The following GRIK2 variants were observed in gnomAD, a reference collection of about 807,000 sequenced individuals.
GRIK2 encodes glutamate receptor ionotropic, kainate 2.
In GRIK2, 32 loss-of-function variants were observed where a neutral mutation model predicts 100.3. The observed-to-expected ratio is 0.32, with a 90% confidence interval of 0.24 to 0.43. The LOEUF is 0.43. Among genes scored for constraint, GRIK2 ranks in the 20% least tolerant of loss-of-function variants. GRIK2 has a pLI of 1.00. For synonymous variants in GRIK2, 417 were observed against 389.4 expected, an observed-to-expected ratio of 1.07 and a Z score of -0.83; for missense variants, 843 against 1,114.9, an observed-to-expected ratio of 0.76 and a Z score of 3.47.
chr6:101,513,752 A>G (rs1481728673), intron 2 of GRIK2, among the ~76,000 whole-genome samples: 1 of 152,146 alleles, frequency 6.6e-6, no homozygotes, highest in Non-Finnish European at 1.5e-5. Flanking sequence ...GATATGATTA[A>G]AGTAGTGCTG....
At chr6:101,447,510 A>T (rs925585193) in intron 2 of GRIK2, among the ~76,000 whole-genome samples, 1 of 151,752 alleles carries the variant, frequency 6.6e-6, no homozygotes, top group African/African-American at 2.4e-5. Flanking sequence ...GTAATCAGCC[A>T]GTTATTGGTT....
chr6:101,650,054 A>G (rs1781713965), intron 4 of GRIK2, among the ~76,000 whole-genome samples: 1 of 152,132 alleles, frequency 6.6e-6, no homozygotes. Context: ...GGGAGTCCAG[A>G]CAAATTACTG....
At chr6:101,530,475 G>A (rs541488979) in intron 2 of GRIK2, among the ~76,000 whole-genome samples, 1 of 152,052 alleles carries the variant, frequency 6.6e-6, no homozygotes, top group African/African-American at 2.4e-5. Flanking sequence ...TATAGGTTAT[G>A]TATTCACGAA....
intron 7 of GRIK2, among the ~76,000 whole-genome samples, chr6:101,751,079 C>CT (rs1776756536): frequency 6.6e-6 from 1 of 151,888 alleles, no homozygotes; most frequent in African/African-American, 2.4e-5. Flanking sequence ...TTCTAAATTT[C>CT]TTTTTTCTTA....
At chr6:101,796,166 T>G (rs756149229) in intron 7 of GRIK2, among the ~76,000 whole-genome samples, 7 of 152,200 alleles carry the variant, frequency 4.6e-5, no homozygotes, top group Non-Finnish European at 8.8e-5. Context: ...ATGGTTTGTT[T>G]TTTGAGTTAC....
At chr6:102,066,766 T>C (rs1255751094) in intron 16 of GRIK2, among the ~76,000 whole-genome samples, 3 of 151,654 alleles carry the variant, frequency 2.0e-5, no homozygotes, top group Non-Finnish European at 3.0e-5. Flanking sequence ...TTGACTTGTT[T>C]CCTAAAGGAG....
intron 4 of GRIK2, among the ~76,000 whole-genome samples, chr6:101,630,336 T>C (rs1780666593): frequency 6.6e-6 from 1 of 152,130 alleles, no homozygotes; most frequent in African/African-American, 2.4e-5. Context: ...CACCAAACTG[T>C]ACAAGCATTC....
chr6:101,798,087 T>C (rs1780436894), intron 7 of GRIK2, among the ~76,000 whole-genome samples: 1 of 151,462 alleles, frequency 6.6e-6, no homozygotes, highest in Admixed American at 6.6e-5. Flanking sequence ...TATGTAGCCT[T>C]CATTCTTAGC....
chr6:101,760,541 A>AAT (rs1209377230), intron 7 of GRIK2, among the ~76,000 whole-genome samples: 2 of 90,050 alleles, frequency 2.2e-5, no homozygotes, highest in African/African-American at 1.0e-4. Context: ...ATATTTAATT[A>AAT]TATATTTATT....
intron 3 of GRIK2, 36 bp downstream of exon 3, chr6:101,622,152 A>G: frequency 7.6e-7 from 1 of 1,311,516 alleles, no homozygotes; most frequent in African/African-American, 1.5e-5. Flanking sequence ...TGTTTCCTGG[A>G]ATTCAAATTT....
intron 15 of GRIK2, among the ~76,000 whole-genome samples, chr6:102,054,833 A>G (rs1220517839): frequency 6.6e-6 from 1 of 152,118 alleles, no homozygotes; most frequent in South Asian, 2.1e-4. Flanking sequence ...GTGACTGCCC[A>G]TTATCTGCTA....
intron 2 of GRIK2, among the ~76,000 whole-genome samples, chr6:101,473,417 G>C (rs2128257251): frequency 6.6e-6 from 1 of 151,626 alleles, no homozygotes; most frequent in African/African-American, 2.4e-5. Flanking sequence ...TAAACAATTA[G>C]AGTGTCATTC....
Position 101,492,929 on chromosome 6 carries a change from A to G in GRIK2, c.115+93537A>G, listed in dbSNP as rs181262663. 2.8e-3 allele frequency among the ~76,000 whole-genome samples: 430 copies of G among 152,136 alleles called. 3 individuals are homozygous for G. The highest frequency in any genetic ancestry group is 0.01 in the African/African-American group (419 of 41,570). ...TGGTGGTTTAGCAAAGGAACAAGAA[A>G]AAAAGACTATCAGAAATAAACCGGC... On this transcript the variant is annotated intron_variant, in intron 2 of 16. Coordinates refer to ENST00000369134, the MANE Select transcript of GRIK2 (RefSeq NM_021956.5).
At chr6:101,925,127 G>A (rs1350109506) in intron 13 of GRIK2, among the ~76,000 whole-genome samples, 4 of 151,902 alleles carry the variant, frequency 2.6e-5, no homozygotes, top group Non-Finnish European at 5.9e-5. Flanking sequence ...TTAATTCTTG[G>A]TGATTAGATG....
At chr6:101,752,777 A>G (rs1776872619) in intron 7 of GRIK2, among the ~76,000 whole-genome samples, 1 of 152,212 alleles carries the variant, frequency 6.6e-6, no homozygotes, top group Non-Finnish European at 1.5e-5. Flanking sequence ...AATATGAGCA[A>G]TAATATTGCA....
intron 2 of GRIK2, among the ~76,000 whole-genome samples, chr6:101,506,644 T>C (rs559559498): frequency 6.6e-6 from 1 of 152,154 alleles, no homozygotes; most frequent in Admixed American, 6.6e-5. Flanking sequence ...TAATGACATA[T>C]ACATCAGTCG....
At chr6:101,684,257 G>A (rs17062329) in intron 6 of GRIK2, among the ~76,000 whole-genome samples, 12,562 of 152,112 alleles carry the variant, frequency 0.083, 1,707 homozygotes, top group African/African-American at 0.29. Context: ...CAGCATAAGC[G>A]TAAGATTTTG....
intron 6 of GRIK2, among the ~76,000 whole-genome samples, chr6:101,684,793 T>C (rs138061636): frequency 6.1e-4 from 91 of 148,560 alleles, no homozygotes; most frequent in Admixed American, 2.0e-3. Context: ...CAAAGGGAGG[T>C]TATGATCTAA....
intron 10 of GRIK2, among the ~76,000 whole-genome samples, chr6:101,843,419 C>T (rs1488648251): frequency 1.3e-5 from 2 of 152,126 alleles, no homozygotes; most frequent in African/African-American, 2.4e-5. Context: ...AGTCATTTTC[C>T]CTCTTCAAAG....
Sources: gnomAD v4.1 joint callset for allele counts (sites outside exome capture counted in the v4.1 genomes callset) on GRCh38, gnomAD v4.1.1 for gene constraint, MANE v1.5 for transcripts, NCBI Gene and HGNC (gene_info 2026-07-23, HGNC 2026-07-21) for gene names.